The following SBF2 variants were observed in gnomAD, a reference collection of about 807,000 sequenced individuals.
SBF2 encodes the protein myotubularin-related protein 13.
SBF2 carries 112 observed loss-of-function variants against 225.2 expected under a neutral mutation model. The ratio of observed to expected loss-of-function variants is 0.50; its 90% confidence interval spans 0.43 to 0.58. The LOEUF (loss-of-function observed/expected upper bound fraction) is 0.58, where lower values mean the gene tolerates loss of function less well. Ranked by LOEUF, SBF2 falls within the 20% of genes least tolerant of loss-of-function variation. The probability of loss-of-function intolerance (pLI) is 0.00; values close to 1 mark genes in which losing one functional copy is unlikely to be tolerated. For synonymous variants in SBF2, 763 were observed against 773.3 expected, an observed-to-expected ratio of 0.99 and a Z score of 0.22; for missense variants, 1,996 against 2,206.2, an observed-to-expected ratio of 0.90 and a Z score of 1.91.
At chr11:10,178,580 A>C (rs1424428341) in intron 2 of SBF2, among the ~76,000 whole-genome samples, 66 of 148,904 alleles carry the variant, frequency 4.4e-4, no homozygotes, top group African/African-American at 1.5e-3. Flanking sequence ...GCAGCCAAAA[A>C]ACACATGAAA....
At chr11:10,263,907 A>G (rs903506128) in intron 1 of SBF2, among the ~76,000 whole-genome samples, 3 of 152,226 alleles carry the variant, frequency 2.0e-5, no homozygotes, top group Non-Finnish European at 4.4e-5. Context: ...TTATCTGAGG[A>G]AAATTATCCA....
At chr11:9,899,501 C>CAAA (rs34430569) in intron 16 of SBF2, among the ~76,000 whole-genome samples, 24 of 130,166 alleles carry the variant, frequency 1.8e-4, no homozygotes, top group African/African-American at 4.0e-4. Context: ...GAGACACTGT[C>CAAA]AAAAAAAAAA....
At chr11:9,952,735 C>T (rs1042871446) in intron 16 of SBF2, among the ~76,000 whole-genome samples, 1 of 152,140 alleles carries the variant, frequency 6.6e-6, no homozygotes, top group Non-Finnish European at 1.5e-5. Context: ...CTACTGTTCT[C>T]ATCTCTTCTC....
At chr11:9,809,544 ATT>A (rs35374748) in intron 30 of SBF2, among the ~76,000 whole-genome samples, 95 of 136,280 alleles carry the variant, frequency 7.0e-4, no homozygotes, top group Admixed American at 1.3e-3. Flanking sequence ...TGTTTCAGAC[ATT>A]TTTTTTTTTT....
At chr11:9,893,989 T>C (rs180674565) in intron 17 of SBF2, among the ~76,000 whole-genome samples, 21 of 152,312 alleles carry the variant, frequency 1.4e-4, no homozygotes, top group Admixed American at 9.8e-4. Context: ...CTCACCACTG[T>C]AATCGCAGCA....
intron 16 of SBF2, among the ~76,000 whole-genome samples, chr11:9,927,944 C>A (rs1221003432): frequency 1.3e-5 from 2 of 151,994 alleles, no homozygotes; most frequent in East Asian, 3.9e-4. Context: ...ATACCTTATA[C>A]CAAATTAAAA....
chr11:10,087,489 T>C lies in SBF2; in HGVS notation c.142-44508A>G, dbSNP rs1282928694. Among the ~76,000 whole-genome samples the C allele has an allele frequency of 2.6e-5, 4 of 152,314 alleles. No individual in the cohort carries two copies. The East Asian group carries it at 5.8e-4, about 22-fold the overall frequency. Reference sequence around the variant, plus strand: ...GCATTAAGTAAACAAGCAGTAAATATTCCAAATGACTGAGATAATAGAAGT... The same window carrying C: ...GCATTAAGTAAACAAGCAGTAAATACTCCAAATGACTGAGATAATAGAAGT... On this transcript the variant is annotated intron_variant, in intron 2 of 39. Coordinates refer to ENST00000256190, the MANE Select transcript of SBF2 (RefSeq NM_030962.4).
chr11:9,800,984 G>T (rs1055467973), intron 32 of SBF2, among the ~76,000 whole-genome samples: 1 of 151,996 alleles, frequency 6.6e-6, no homozygotes, highest in Non-Finnish European at 1.5e-5. Context: ...AACAGCTTTT[G>T]GTTTCATTAG....
chr11:10,027,367 T>C (rs1014560218), intron 6 of SBF2, among the ~76,000 whole-genome samples: 1 of 152,244 alleles, frequency 6.6e-6, no homozygotes, highest in African/African-American at 2.4e-5. Flanking sequence ...TAAGGCTTTC[T>C]AACTTTCACT....
At chr11:10,141,920 T>C (rs1276951522) in intron 2 of SBF2, among the ~76,000 whole-genome samples, 1 of 152,210 alleles carries the variant, frequency 6.6e-6, no homozygotes, top group Non-Finnish European at 1.5e-5. Flanking sequence ...GATGTAACAT[T>C]CAGGATAGTA....
At chr11:9,852,627 GT>G (rs1184755834) in intron 21 of SBF2, 48 bp downstream of exon 21, 1 of 1,375,886 alleles carries the variant, frequency 7.3e-7, no homozygotes, top group Admixed American at 1.7e-5. Context: ...TCTATTGTTT[GT>G]TTTTAAGAAG....
At chr11:10,108,516 T>A (rs1442813670) in intron 2 of SBF2, among the ~76,000 whole-genome samples, 1 of 26,648 alleles carries the variant, frequency 3.8e-5, no homozygotes, top group African/African-American at 1.1e-4. Context: ...AATAGTTAAC[T>A]TTTTTTTTTT....
At chr11:10,180,922 G>C (rs1956712430) in intron 2 of SBF2, among the ~76,000 whole-genome samples, 1 of 152,030 alleles carries the variant, frequency 6.6e-6, no homozygotes, top group Non-Finnish European at 1.5e-5. Flanking sequence ...AGAACACTGT[G>C]GCTGTCATAA....
rs78857500 is a variant in SBF2, at chr11:9,907,427, T to C, written c.1861-11416A>G. Among the ~76,000 whole-genome samples the C allele has an allele frequency of 2.6e-3, 392 of 152,326 alleles. 2 individuals are homozygous for C. The highest frequency in any genetic ancestry group is 9.3e-3 in the African/African-American group (386 of 41,574). On this transcript the variant is annotated intron_variant, in intron 16 of 39. Transcript: ENST00000256190. ...ATGCTTTGGTTTGTCATTTACATGC[T>C]TTCTCCTTGGTATTTTCATATGCAT...
intron 1 of SBF2, among the ~76,000 whole-genome samples, chr11:10,207,245 C>T (rs1467590559): frequency 6.6e-6 from 1 of 152,022 alleles, no homozygotes. Context: ...TCCCACGAAA[C>T]TACCCTTAAG....
intron 1 of SBF2, among the ~76,000 whole-genome samples, chr11:10,225,820 G>A (rs1398889735): frequency 6.6e-6 from 1 of 152,118 alleles, no homozygotes; most frequent in Non-Finnish European, 1.5e-5. Context: ...AAGTTAAATT[G>A]ACTGACAATG....
intron 10 of SBF2, 61 bp downstream of exon 10, chr11:9,993,860 C>A: frequency 6.8e-7 from 1 of 1,471,208 alleles, no homozygotes; most frequent in Non-Finnish European, 9.4e-7. Flanking sequence ...TCTTTAACAA[C>A]CCTATAAATA....
intron 34 of SBF2, among the ~76,000 whole-genome samples, chr11:9,789,798 G>A (rs921047880): frequency 6.6e-6 from 1 of 152,204 alleles, no homozygotes; most frequent in Admixed American, 6.5e-5. Context: ...TTGGGCCTTG[G>A]GGTCCATGCA....
chr11:9,867,943 A>T (rs1858371630), intron 17 of SBF2, among the ~76,000 whole-genome samples: 1 of 152,192 alleles, frequency 6.6e-6, no homozygotes, highest in South Asian at 2.1e-4. Flanking sequence ...CTAGTGTTTG[A>T]CAGCACAGCA....
Sources: gnomAD v4.1 joint callset for allele counts (sites outside exome capture counted in the v4.1 genomes callset) on GRCh38, gnomAD v4.1.1 for gene constraint, MANE v1.5 for transcripts, NCBI Gene and HGNC (gene_info 2026-07-23, HGNC 2026-07-21) for gene names.